ROCK2: variants seen among roughly 807,000 people sequenced by gnomAD.
The protein encoded by ROCK2 is Rho associated coiled-coil containing protein kinase 2, also known as rho-associated protein kinase 2.
In ROCK2, 61 loss-of-function variants were observed where a neutral mutation model predicts 195.1. That is an observed-to-expected ratio of 0.31 (90% CI 0.25 to 0.39). The LOEUF (loss-of-function observed/expected upper bound fraction) is 0.39, where lower values mean the gene tolerates loss of function less well. ROCK2 is among the 10% of genes least tolerant of loss of function. ROCK2 has a pLI of 1.00. For missense variants in ROCK2, 1,109 were observed against 1,637.4 expected (o/e 0.68, Z 5.57); for synonymous variants, 504 against 545.5 (o/e 0.92, Z 1.06).
rs1167098221 is a variant in ROCK2 at position 11,317,582 on chromosome 2, A to ATC, written c.141+26413_141+26414insGA. Among the ~76,000 whole-genome samples, 58 of 11,406 alleles carry ATC rather than the reference A, an allele frequency of 5.1e-3. 1 individual carries two copies. Among genetic ancestry groups the ATC allele is most frequent in the African/African-American group, 0.016 (55 of 3,418 alleles). 7.5% of individuals were successfully genotyped at this position (11,406 alleles called of 152,430 possible). A position where few individuals can be genotyped will look rare whatever the true frequency, so the allele number is the denominator to read the frequency against. On this transcript the variant is annotated intron_variant, in intron 1 of 32. Coordinates refer to ENST00000315872, the MANE Select transcript of ROCK2 (RefSeq NM_004850.5). ...GCCGCCCTGATCTACACATTTATAT[A>ATC]TATATATATATATATATATATATAT...
At chr2:11,295,996 AGAGAGAGAG>A (rs1248282585) in intron 1 of ROCK2, among the ~76,000 whole-genome samples, 17 of 35,524 alleles carry the variant, frequency 4.8e-4, no homozygotes, top group East Asian at 2.0e-3. Flanking sequence ...GAGAGGAGAG[AGAGAGAGAG>A]GAGAGAGAGA....
At chr2:11,334,287 C>T (rs1304706810) in intron 1 of ROCK2, among the ~76,000 whole-genome samples, 1 of 151,948 alleles carries the variant, frequency 6.6e-6, no homozygotes, top group Non-Finnish European at 1.5e-5. Flanking sequence ...CCAAGGTGGG[C>T]GGATCACAAG....
rs1409254255 is a variant in ROCK2 at position 11,327,866 on chromosome 2, T to C, written c.141+16130A>G. Among the ~76,000 whole-genome samples, 3 of 152,240 alleles carry C rather than the reference T, an allele frequency of 2.0e-5. No individual in the cohort carries two copies. The East Asian group carries it at 5.8e-4, about 29-fold the overall frequency. ...GTGTGAGCCACCAAGCCCGGCCAAC[T>C]GTCCGTTTTTAAAGGGGCATATGTT... On this transcript the variant is annotated intron_variant, in intron 1 of 32. Transcript: ENST00000315872.
At chr2:11,193,648 T>G (rs900053235) in intron 30 of ROCK2, 131 bp downstream of exon 30, 1 of 464,472 alleles carries the variant, frequency 2.2e-6, no homozygotes. Context: ...TAAATAGGAC[T>G]GAAACATAAA....
intron 6 of ROCK2, among the ~76,000 whole-genome samples, chr2:11,226,353 CTA>C (rs1351000466): frequency 2.0e-5 from 3 of 152,094 alleles, no homozygotes; most frequent in Admixed American, 6.5e-5. Flanking sequence ...GAAGAAATAA[CTA>C]AATCTGTCTC....
At chr2:11,330,546 T>C (rs1668685603) in intron 1 of ROCK2, among the ~76,000 whole-genome samples, 1 of 152,182 alleles carries the variant, frequency 6.6e-6, no homozygotes, top group South Asian at 2.1e-4. Flanking sequence ...TCATGACAAC[T>C]GTGCTAATAC....
At chr2:11,317,583 T>TATATAAAAAAAAAAAAAAAAA (rs1410115311) in intron 1 of ROCK2, among the ~76,000 whole-genome samples, 24 of 10,900 alleles carry the variant, frequency 2.2e-3, no homozygotes, top group African/African-American at 7.7e-3. Context: ...CATTTATATA[T>TATATAAAAAAAAAAAAAAAAA]ATATATATAT....
chr2:11,214,190 GT>G (rs1477831479), intron 17 of ROCK2, among the ~76,000 whole-genome samples, 166 bp downstream of exon 17: 1 of 151,944 alleles, frequency 6.6e-6, no homozygotes, highest in Admixed American at 6.6e-5. Context: ...CAGTGTTATG[GT>G]AAGCCTGCAG....
rs367801405 is a variant in ROCK2 at position 11,307,601 on chromosome 2, C to T, written c.142-19865G>A. 5.3e-5 allele frequency among the ~76,000 whole-genome samples: 8 copies of T among 152,238 alleles called. No individual in the cohort carries two copies. The East Asian group carries it at 7.7e-4, about 15-fold the overall frequency. On this transcript the variant is annotated intron_variant, in intron 1 of 32. Transcript: ENST00000315872. ...TGCTGGTATTACAGGCGTTAGCCAC[C>T]GCACCCAGCCAGAAAACATTATCTT...
In ROCK2 at chr2:11,192,031, A is replaced by G; in HGVS notation, c.4163+117T>C. On this transcript the variant is annotated intron_variant, in intron 32 of 32. Transcript: ENST00000315872. The surrounding 1 kb of genome is among the most constrained non-coding windows in gnomAD (Gnocchi z 5.0). ...ACAGTTCCAACATTTGGTATTCCAT[A>G]GTTAACTAAAATACAAAGCAAAGGA... 1 of 688,352 alleles carries G rather than the reference A, an allele frequency of 1.5e-6. No homozygotes were observed. The highest frequency in any genetic ancestry group is 2.7e-5 in the East Asian group (1 of 37,172). The allele number at this position is 688,352 out of a possible 1,614,324, so 42.6% of individuals were successfully genotyped here.
intron 1 of ROCK2, among the ~76,000 whole-genome samples, chr2:11,332,634 C>T (rs916851212): frequency 2.0e-5 from 3 of 152,278 alleles, no homozygotes; most frequent in East Asian, 1.9e-4. Context: ...AACCCTTATA[C>T]ATTTCTAGTG....
In ROCK2 at chr2:11,179,972, G is replaced by A. The variant is rs1227642131; in HGVS notation, c.*3465C>T. 6.6e-6 allele frequency: 1 copy of A among 151,680 alleles called. No individual in the cohort carries two copies. Among genetic ancestry groups the A allele is most frequent in the Non-Finnish European group, 1.5e-5 (1 of 68,008 alleles). The allele number at this position is 151,680 out of a possible 1,614,324, so 9.4% of individuals were successfully genotyped here. A position where few individuals can be genotyped will look rare whatever the true frequency, so the allele number is the denominator to read the frequency against. Reference sequence around the variant, plus strand: ...ATTCCAAACAAAACTCATTATTATGGGGATGGGAGTCAGGGAGAGGCCCCC... The same window carrying A: ...ATTCCAAACAAAACTCATTATTATGAGGATGGGAGTCAGGGAGAGGCCCCC... On this transcript the variant is annotated 3_prime_UTR_variant, in exon 33 of 33. Transcript: ENST00000315872.
At chr2:11,281,540 T>C (rs1258359720) in intron 3 of ROCK2, among the ~76,000 whole-genome samples, 1 of 152,132 alleles carries the variant, frequency 6.6e-6, no homozygotes, top group East Asian at 1.9e-4. Context: ...ACACAAAAGT[T>C]CATTGCTTTC....
At chr2:11,307,503 G>A (rs758707744) in intron 1 of ROCK2, among the ~76,000 whole-genome samples, 42 of 152,072 alleles carry the variant, frequency 2.8e-4, no homozygotes, top group Non-Finnish European at 4.9e-4. Flanking sequence ...TGGTAGAGAT[G>A]GAGTTTCACC....
At chr2:11,259,158 C>T (rs1666137639) in intron 3 of ROCK2, among the ~76,000 whole-genome samples, 1 of 151,264 alleles carries the variant, frequency 6.6e-6, no homozygotes, top group African/African-American at 2.5e-5. Context: ...GGCTGATGGC[C>T]TTTTAGGCTG....
At chr2:11,225,958 G>A (rs764735344) in intron 6 of ROCK2, among the ~76,000 whole-genome samples, 1 of 152,056 alleles carries the variant, frequency 6.6e-6, no homozygotes, top group African/African-American at 2.4e-5. Flanking sequence ...AAGTTCAAGA[G>A]TAATTATTAT....
intron 1 of ROCK2, among the ~76,000 whole-genome samples, chr2:11,320,233 A>G (rs146937044): frequency 6.6e-6 from 1 of 152,346 alleles, no homozygotes; most frequent in East Asian, 1.9e-4. Context: ...TTTTTTAAGT[A>G]GTCTTCATTC....
At chr2:11,216,547 G>C (rs1188209045) in intron 12 of ROCK2, among the ~76,000 whole-genome samples, 3 of 141,170 alleles carry the variant, frequency 2.1e-5, no homozygotes, top group Non-Finnish European at 3.0e-5. Flanking sequence ...GTCTCGCTCT[G>C]TCGCCCAGGC....
intron 1 of ROCK2, among the ~76,000 whole-genome samples, chr2:11,289,094 T>C (rs1457319951): frequency 3.9e-5 from 6 of 152,208 alleles, no homozygotes; most frequent in African/African-American, 1.4e-4. Flanking sequence ...ATTAACATTT[T>C]TAATAACAAA....
Sources: gnomAD v4.1 joint callset for allele counts (sites outside exome capture counted in the v4.1 genomes callset) on GRCh38, gnomAD v4.1.1 for gene constraint, Gnocchi (gnomAD v3.1) non-coding constraint, MANE v1.5 for transcripts, NCBI Gene and HGNC (gene_info 2026-07-23, HGNC 2026-07-21) for gene names.